Variants in CNNM4 observed in about 807,000 individuals in gnomAD.
The protein encoded by CNNM4 is cyclin and CBS domain divalent metal cation transport mediator 4.
Under a neutral mutation model 53.7 loss-of-function variants are expected in CNNM4, and 32 were observed. The ratio of observed to expected loss-of-function variants is 0.60; its 90% CI spans 0.45 to 0.80. CNNM4 has a LOEUF of 0.80. Ranked by LOEUF, CNNM4 falls within the 30% of genes least tolerant of loss-of-function variation. The pLI, the probability that CNNM4 is intolerant of heterozygous loss-of-function variation, is 0.00. For missense variants in CNNM4, 784 were observed against 1,022.0 expected, an observed-to-expected ratio of 0.77 and a Z score of 3.17; for synonymous variants, 410 against 440.0, an observed-to-expected ratio of 0.93 and a Z score of 0.85.
At chr2:96,779,015 G>A (rs1247566543) in intron 1 of CNNM4, among the ~76,000 whole-genome samples, 1 of 151,950 alleles carries the variant, frequency 6.6e-6, no homozygotes, top group African/African-American at 2.4e-5. Context: ...GGAGTGCAGT[G>A]GCGCGATTTT....
chr2:96,785,533 A>T (rs559298572), intron 1 of CNNM4, among the ~76,000 whole-genome samples: 1 of 152,040 alleles, frequency 6.6e-6, no homozygotes, highest in Admixed American at 6.6e-5. Context: ...TGGGAGGCTG[A>T]GGTGGGAGGA....
chr2:96,790,061 C>T (rs1283854767), intron 1 of CNNM4, among the ~76,000 whole-genome samples: 3 of 125,008 alleles, frequency 2.4e-5, no homozygotes, highest in Non-Finnish European at 4.8e-5. Context: ...GGCTGGAGTG[C>T]AGTGGCGTGA....
chr2:96,776,167 C>T (rs1156563578), intron 1 of CNNM4, among the ~76,000 whole-genome samples: 1 of 151,448 alleles, frequency 6.6e-6, no homozygotes, highest in Non-Finnish European at 1.5e-5. Context: ...TAGCTGGGAC[C>T]ACAGGCCGCA....
intron 1 of CNNM4, among the ~76,000 whole-genome samples, chr2:96,765,024 G>GTTTTTTTTTTTTTTTTTTTTTTTTT (rs1158502593): frequency 2.4e-5 from 1 of 41,518 alleles, no homozygotes; most frequent in African/African-American, 8.8e-5. Context: ...GTTGGGAATG[G>GTTTTTTTTTTTTTTTTTTTTTTTTT]TTTTTTTTTT....
At chr2:96,771,650 G>T (rs1574056416) in intron 1 of CNNM4, among the ~76,000 whole-genome samples, 1 of 151,418 alleles carries the variant, frequency 6.6e-6, no homozygotes, top group South Asian at 2.1e-4. Context: ...GTAGGTGGAG[G>T]TTACAGTGAG....
chr2:96,797,203 C>G lies in CNNM4; in HGVS notation c.1546+48C>G. The stretch of plus-strand genomic sequence containing the variant: ...CCCAGGACCCCTTTCCTGCTTGGAT[C>G]GAAACTTGGTGTCCCTAGCTGGAAG... On this transcript the variant is annotated intron_variant, in intron 2 of 6. Coordinates refer to ENST00000377075, the MANE Select transcript of CNNM4 (RefSeq NM_020184.4). The surrounding 1 kb of genome is among the most constrained non-coding windows in gnomAD (Gnocchi z 6.0). 1 of 1,612,240 alleles carries G rather than the reference C, an allele frequency of 6.2e-7. No homozygotes were observed. The highest frequency in any genetic ancestry group is 8.5e-7 in the Non-Finnish European group (1 of 1,179,276).
chr2:96,785,823 C>T (rs946438066), intron 1 of CNNM4, among the ~76,000 whole-genome samples: 2 of 149,780 alleles, frequency 1.3e-5, no homozygotes, highest in Non-Finnish European at 3.0e-5. Flanking sequence ...ATAAAAATGC[C>T]AGGCGCAGTG....
Position 96,801,840 on chromosome 2 carries a change from GAC to G in CNNM4, c.1948+2198_1948+2199del, listed in dbSNP as rs2079162244. Among the ~76,000 whole-genome samples, 4 of 151,710 alleles carry G rather than the reference GAC, an allele frequency of 2.6e-5. No homozygotes were observed. The highest frequency in any genetic ancestry group is 9.7e-5 in the African/African-American group (4 of 41,290). ...AAACACACATGCAGATACACCCATA[GAC>G]ACACAGATGCCACAGAGGCATACAC... On this transcript the variant is annotated intron_variant, in intron 5 of 6. Coordinates refer to ENST00000377075, the MANE Select transcript of CNNM4 (RefSeq NM_020184.4). This position sits in a 1 kb window ranked among gnomAD's most constrained non-coding sequence, Gnocchi z 5.6.
In CNNM4 at chr2:96,808,678, C is replaced by G; in HGVS notation, c.2066C>G (p.Ser689Cys). 6.2e-7 allele frequency: 1 copy of G among 1,614,214 alleles called. No individual in the cohort carries two copies. The highest frequency in any genetic ancestry group is 8.5e-7 in the Non-Finnish European group (1 of 1,180,042). The change falls in exon 6 of 7, where the codon TCT becomes TGT. Residue 689 changes from serine to cysteine, a missense_variant. Coordinates refer to ENST00000377075, the MANE Select transcript of CNNM4 (RefSeq NM_020184.4). The surrounding 1 kb of genome is among the most constrained non-coding windows in gnomAD (Gnocchi z 4.9). ...LAGSSNQFGS[S>C]VLGQYISDFS... is the part of the protein sequence containing the mutation. ...GGCAGCAGCAACCAGTTTGGCAGCT[C>G]TGTCCTGGGCCAGTACATCTCTGAC...
At chr2:96,776,772 CA>C (rs2078928652) in intron 1 of CNNM4, among the ~76,000 whole-genome samples, 1 of 151,990 alleles carries the variant, frequency 6.6e-6, no homozygotes, top group Non-Finnish European at 1.5e-5. Context: ...GCCACCATAC[CA>C]GGCTAATTTT....
Position 96,762,489 on chromosome 2 carries a change from C to G in CNNM4, c.1402+88C>G, listed in dbSNP as rs1280446241. 4.0e-6 allele frequency: 5 copies of G among 1,263,040 alleles called. No individual in the cohort carries two copies. The African/African-American group carries it at 4.4e-5, about 11-fold the overall frequency. 78.2% of individuals were successfully genotyped at this position (1,263,040 alleles called of 1,614,324 possible). ...TTTTGTGTCTGCTGGCTTTAGTGTT[C>G]TGTTTGTGTGACTCTGTGTCCCTTT... On this transcript the variant is annotated intron_variant, in intron 1 of 6. Transcript: ENST00000377075.
intron 1 of CNNM4, among the ~76,000 whole-genome samples, chr2:96,786,426 A>C (rs529968479): frequency 8.6e-5 from 13 of 151,802 alleles, no homozygotes; most frequent in African/African-American, 2.4e-4. Context: ...AAAAAAAAAA[A>C]AAGTTCTTAA....
At chr2:96,770,096 C>T (rs766819418) in intron 1 of CNNM4, among the ~76,000 whole-genome samples, 1 of 152,182 alleles carries the variant, frequency 6.6e-6, no homozygotes, top group African/African-American at 2.4e-5. Context: ...AGCCTATGGG[C>T]GGGTTCCCAA....
At chr2:96,774,060 C>A (rs1255799190) in intron 1 of CNNM4, among the ~76,000 whole-genome samples, 1 of 152,118 alleles carries the variant, frequency 6.6e-6, no homozygotes, top group African/African-American at 2.4e-5. Flanking sequence ...TAGTTTTCCC[C>A]CCTTCCAAAT....
chr2:96,766,336 A>T (rs1281085466), intron 1 of CNNM4, among the ~76,000 whole-genome samples: 6 of 152,058 alleles, frequency 3.9e-5, no homozygotes, highest in Non-Finnish European at 8.8e-5. Flanking sequence ...CGGCCTCCCA[A>T]AGTGCTGGGA....
At chr2:96,768,919 G>A (rs556657057) in intron 1 of CNNM4, among the ~76,000 whole-genome samples, 2 of 152,324 alleles carry the variant, frequency 1.3e-5, no homozygotes, top group African/African-American at 4.8e-5. Flanking sequence ...CCCACGTGAG[G>A]CTGAGGAGCA....
chr2:96,766,063 T>G (rs1200365958), intron 1 of CNNM4, among the ~76,000 whole-genome samples: 2 of 149,048 alleles, frequency 1.3e-5, no homozygotes, highest in Admixed American at 1.3e-4. Flanking sequence ...GGATTACAGG[T>G]GTGAGCCACC....
chr2:96,793,870 G>C (rs576037884), intron 1 of CNNM4, among the ~76,000 whole-genome samples: 2 of 152,106 alleles, frequency 1.3e-5, no homozygotes, highest in African/African-American at 4.8e-5. Flanking sequence ...CAGGAGAATC[G>C]CTTGAACCTG....
chr2:96,806,535 A>ACACACGCGCGCG (rs374638753), intron 5 of CNNM4, among the ~76,000 whole-genome samples: 3 of 123,944 alleles, frequency 2.4e-5, no homozygotes, highest in Admixed American at 7.9e-5. Flanking sequence ...ACACACACAC[A>ACACACGCGCGCG]CGCGCGCGCG....
Sources: gnomAD v4.1 joint callset for allele counts (sites outside exome capture counted in the v4.1 genomes callset) on GRCh38, gnomAD v4.1.1 for gene constraint, Gnocchi (gnomAD v3.1) non-coding constraint, MANE v1.5 for transcripts, NCBI Gene and HGNC (gene_info 2026-07-23, HGNC 2026-07-21) for gene names.